The following ARHGAP32 variants were observed in gnomAD, a reference collection of about 807,000 sequenced individuals.
The protein encoded by ARHGAP32 is rho GTPase-activating protein 32.
Under a neutral mutation model 186.5 loss-of-function variants are expected in ARHGAP32, and 51 were observed. That is an observed-to-expected ratio of 0.27 (90% CI 0.22 to 0.35). ARHGAP32 has a LOEUF of 0.35. ARHGAP32 is among the 10% of genes least tolerant of loss of function. ARHGAP32 has a pLI of 1.00. For missense variants in ARHGAP32, 2,186 were observed against 2,623.5 expected, an observed-to-expected ratio of 0.83 and a Z score of 3.64; for synonymous variants, 950 against 964.3, an observed-to-expected ratio of 0.99 and a Z score of 0.27.
chr11:129,144,679 G>A (rs1943132173), intron 2 of ARHGAP32, among the ~76,000 whole-genome samples: 1 of 152,134 alleles, frequency 6.6e-6, no homozygotes, highest in Non-Finnish European at 1.5e-5. Context: ...CATCAAATAA[G>A]CCCCAAGGGT....
intron 12 of ARHGAP32, 98 bp downstream of exon 12, chr11:128,998,221 A>C: frequency 1.0e-6 from 1 of 992,866 alleles, no homozygotes; most frequent in Non-Finnish European, 1.4e-6. Flanking sequence ...GAAATGAAAC[A>C]GGTATCATTT....
At chr11:128,985,945 A>G in intron 15 of ARHGAP32, 58 bp downstream of exon 15, 1 of 1,295,280 alleles carries the variant, frequency 7.7e-7, no homozygotes, top group East Asian at 2.8e-5. Context: ...AGGAAAAAAA[A>G]ACGTTTACAG....
At chr11:129,174,183 C>T (rs887394675) in intron 1 of ARHGAP32, among the ~76,000 whole-genome samples, 7 of 152,162 alleles carry the variant, frequency 4.6e-5, no homozygotes, top group African/African-American at 1.2e-4. Context: ...GGGTGACAGA[C>T]GGCACCTGGA....
rs542007384 is a variant in ARHGAP32 at position 129,109,897 on chromosome 11, T to C, written c.444+13549A>G. Reference sequence around the variant, plus strand: ...ATTTCCTCCCACTCCACCAGCTGTCTCTTCAGAGACTCTGTCGATTGTTTC... The same window carrying C: ...ATTTCCTCCCACTCCACCAGCTGTCCCTTCAGAGACTCTGTCGATTGTTTC... On this transcript the variant is annotated intron_variant, in intron 5 of 22. Coordinates refer to ENST00000682385, the MANE Select transcript of ARHGAP32 (RefSeq NM_001378024.1). Among the ~76,000 whole-genome samples, 15 of 152,290 alleles carry C rather than the reference T, an allele frequency of 9.8e-5. No individual in the cohort carries two copies. The South Asian group carries it at 3.1e-3, about 32-fold the overall frequency.
At chr11:129,210,928 G>A (rs896772834) in intron 1 of ARHGAP32, among the ~76,000 whole-genome samples, 2 of 152,122 alleles carry the variant, frequency 1.3e-5, no homozygotes, top group African/African-American at 2.4e-5. Flanking sequence ...TGAACTGCAC[G>A]GGACTGCTGC....
At chr11:129,061,659 C>T (rs1010119501) in intron 10 of ARHGAP32, among the ~76,000 whole-genome samples, 7 of 152,154 alleles carry the variant, frequency 4.6e-5, no homozygotes, top group East Asian at 1.9e-4. Flanking sequence ...GGATGATTCA[C>T]GTCCGGGGTG....
intron 11 of ARHGAP32, chr11:129,024,276 C>G (rs1355152690): frequency 4.3e-6 from 2 of 462,886 alleles, no homozygotes; most frequent in Non-Finnish European, 5.7e-6. Flanking sequence ...CAACCCCACA[C>G]AGGTGAGCAC....
At chr11:129,142,924 C>T (rs1943088097) in intron 2 of ARHGAP32, among the ~76,000 whole-genome samples, 1 of 150,588 alleles carries the variant, frequency 6.6e-6, no homozygotes, top group Non-Finnish European at 1.5e-5. Context: ...TGACAGAGGT[C>T]ACAGAAGCTT....
At chr11:128,985,910 C>T in intron 15 of ARHGAP32, 93 bp downstream of exon 15, 4 of 391,692 alleles carry the variant, frequency 1.0e-5, no homozygotes, top group Non-Finnish European at 1.3e-5. Context: ...ATTAGAACTC[C>T]AAGGAAGTTT....
intron 11 of ARHGAP32, among the ~76,000 whole-genome samples, chr11:129,010,829 A>G (rs1938043615): frequency 6.6e-6 from 1 of 152,216 alleles, no homozygotes; most frequent in Admixed American, 6.5e-5. Context: ...AAACTTCCAA[A>G]ATACATGTTA....
chr11:129,037,624 C>G lies in ARHGAP32; in HGVS notation c.1045+3304G>C, dbSNP rs529608442. Among the ~76,000 whole-genome samples the G allele has an allele frequency of 3.3e-5, 5 of 152,006 alleles. No homozygotes were observed. The South Asian group carries it at 8.3e-4, about 25-fold the overall frequency. On this transcript the variant is annotated intron_variant, in intron 11 of 22. Transcript: ENST00000682385. ...TCTACAGGTTCAATATACTCTCTATCAGAATCCCATCCTACTCTGTAGAAA... is the reference window on the plus strand; with the variant it reads ...TCTACAGGTTCAATATACTCTCTATGAGAATCCCATCCTACTCTGTAGAAA...
intron 1 of ARHGAP32, among the ~76,000 whole-genome samples, chr11:129,252,538 G>T (rs933560106): frequency 6.6e-6 from 1 of 152,132 alleles, no homozygotes; most frequent in Non-Finnish European, 1.5e-5. Context: ...GTCCAGTAAA[G>T]CATCAATAGA....
chr11:129,143,072 C>CATATATATATATATAT (rs145242519), intron 2 of ARHGAP32, among the ~76,000 whole-genome samples: 1,606 of 112,390 alleles, frequency 0.014, 69 homozygotes, highest in African/African-American at 0.017. Flanking sequence ...GGTAAAACTG[C>CATATATATATATATAT]ATATATATAT....
At chr11:129,039,453 G>A (rs573554523) in intron 11 of ARHGAP32, among the ~76,000 whole-genome samples, 3 of 152,280 alleles carry the variant, frequency 2.0e-5, no homozygotes, top group Admixed American at 2.0e-4. Context: ...ACTATGCTAA[G>A]TAAAAGAAGC....
At chr11:129,258,098 T>C (rs1945277885) in intron 1 of ARHGAP32, among the ~76,000 whole-genome samples, 1 of 152,230 alleles carries the variant, frequency 6.6e-6, no homozygotes, top group Non-Finnish European at 1.5e-5. Context: ...TTAAAGGGAA[T>C]ATTCAATTCA....
intron 22 of ARHGAP32, chr11:128,972,220 G>A: frequency 6.4e-6 from 2 of 314,004 alleles, no homozygotes; most frequent in South Asian, 1.2e-4. Flanking sequence ...GAAGAAAAGG[G>A]AGCAGGTACA....
At chr11:129,162,932 T>C (rs1467831590) in intron 2 of ARHGAP32, among the ~76,000 whole-genome samples, 4 of 152,128 alleles carry the variant, frequency 2.6e-5, no homozygotes, top group Non-Finnish European at 5.9e-5. Flanking sequence ...TATTTTTTTC[T>C]GAGCTCAAAC....
intron 1 of ARHGAP32, among the ~76,000 whole-genome samples, chr11:129,270,571 A>C (rs2135726254): frequency 6.6e-6 from 1 of 151,954 alleles, no homozygotes; most frequent in South Asian, 2.1e-4. Flanking sequence ...TTCGGGTGAT[A>C]ATGATGTTTC....
chr11:128,973,334 C>T lies in ARHGAP32; in HGVS notation c.3172G>A (p.Ala1058Thr), dbSNP rs1415610860. 3.7e-6 allele frequency: 6 copies of T among 1,614,012 alleles called. No homozygotes were observed. Among genetic ancestry groups the T allele is most frequent in the South Asian group, 1.1e-5 (1 of 91,070 alleles). ...TGTGCGGACTCAGCTAATGCTAGCG[C>T]CAACATTCGGGCAACATTTTTCGGA... is the stretch of plus-strand genomic sequence containing the variant. ...PPPKNVARML[A>T]LALAESAQQA... is the part of the protein sequence containing the mutation. Residue 1058 changes from alanine (A) to threonine (T), a missense_variant, in exon 22 of 23, where the codon GCG becomes ACG. Around this residue, in one of 5 missense-constraint regions of ARHGAP32, gnomAD observed 1,502 missense variants for 1,570.0 expected, o/e 0.96. Coordinates refer to ENST00000682385, the MANE Select transcript of ARHGAP32 (RefSeq NM_001378024.1).
Sources: allele counts gnomAD v4.1 joint callset (sites outside exome capture counted in the v4.1 genomes callset), GRCh38; gene constraint gnomAD v4.1.1; regional missense constraint gnomAD v4.1.1; transcripts MANE v1.5; gene names NCBI Gene and HGNC (gene_info 2026-07-23, HGNC 2026-07-21).